ARAP1: variants seen among roughly 807,000 people sequenced by gnomAD.
ARAP1 encodes the protein ArfGAP with RhoGAP domain, ankyrin repeat and PH domain 1.
Under a neutral mutation model 172.2 loss-of-function variants are expected in ARAP1, and 76 were observed. The ratio of observed to expected loss-of-function variants is 0.44; its 90% CI spans 0.37 to 0.53. The LOEUF (loss-of-function observed/expected upper bound fraction) is 0.53. Among genes scored for constraint, ARAP1 ranks in the 20% least tolerant of loss-of-function variants. The pLI, the probability that ARAP1 is intolerant of heterozygous loss-of-function variation, is 0.00. For missense variants in ARAP1, 1,686 were observed against 1,977.5 expected, an observed-to-expected ratio of 0.85 and a Z score of 2.80; for synonymous variants, 804 against 803.3, an observed-to-expected ratio of 1.00 and a Z score of -0.01.
chr11:72,686,633 T>G (rs969824909), intron 33 of ARAP1, among the ~76,000 whole-genome samples: 2 of 152,164 alleles, frequency 1.3e-5, no homozygotes, highest in Admixed American at 6.5e-5. Context: ...CTTTAAAAAC[T>G]CTGTGTCTTA....
At chr11:72,745,188 T>TC (rs1565234323) in intron 1 of ARAP1, among the ~76,000 whole-genome samples, 1 of 135,910 alleles carries the variant, frequency 7.4e-6, no homozygotes, top group African/African-American at 2.8e-5. Flanking sequence ...CTTTCTTTTT[T>TC]TTTTTTTTTT....
intron 3 of ARAP1, among the ~76,000 whole-genome samples, chr11:72,718,631 T>C (rs992949053): frequency 6.6e-6 from 1 of 152,086 alleles, no homozygotes; most frequent in African/African-American, 2.4e-5. Flanking sequence ...AAGGGGCATG[T>C]GAACCCACCT....
rs1856983373 is a variant in ARAP1, at chr11:72,710,902, C to G, written c.1213+119G>C. 2 of 1,551,062 alleles carry G rather than the reference C, an allele frequency of 1.3e-6. No individual in the cohort carries two copies. The highest frequency in any genetic ancestry group is 3.6e-5 in the Admixed American group (2 of 55,460). ...TGCCCACCTCACAAAGGCAGCATGC[C>G]TCCCCGGATGTGATGTGAGAGGGCA... On this transcript the variant is annotated intron_variant, in intron 9 of 34. Coordinates refer to ENST00000393609, the MANE Select transcript of ARAP1 (RefSeq NM_001040118.3). This position sits in a 1 kb window ranked among gnomAD's most constrained non-coding sequence, Gnocchi z 4.3.
At chr11:72,686,836 G>A (rs1327561729) in intron 33 of ARAP1, among the ~76,000 whole-genome samples, 2 of 152,056 alleles carry the variant, frequency 1.3e-5, no homozygotes, top group Non-Finnish European at 2.9e-5. Flanking sequence ...ACCACACTCT[G>A]CCTAAATGCC....
chr11:72,688,006 TG>T (rs1855765118), intron 31 of ARAP1, among the ~76,000 whole-genome samples: 1 of 65,508 alleles, frequency 1.5e-5, no homozygotes, highest in African/African-American at 4.6e-5. Context: ...TTTTTGTTGT[TG>T]TTTTTTTTTT....
chr11:72,690,462 T>A (rs1445930245), intron 30 of ARAP1, among the ~76,000 whole-genome samples: 1 of 152,160 alleles, frequency 6.6e-6, no homozygotes. Context: ...CAATCTCAGC[T>A]CACTGCAACC....
rs776359399 is a variant in ARAP1, at chr11:72,687,507, AG to A, written c.4122-6del. On this transcript the variant is annotated splice_polypyrimidine_tract_variant and splice_region_variant and intron_variant, in intron 32 of 34. Transcript: ENST00000393609. ...TGTGTGTCACAGCAGAGGTACCTGCAGGGTTGGACGCGGACCCACATGATGC... is the reference window on the plus strand; with the variant it reads ...TGTGTGTCACAGCAGAGGTACCTGCAGGTTGGACGCGGACCCACATGATGC... 7.4e-6 allele frequency: 12 copies of A among 1,614,064 alleles called. No individual in the cohort carries two copies. The highest frequency in any genetic ancestry group is 1.0e-5 in the Non-Finnish European group (12 of 1,180,040).
At chr11:72,730,651 G>A (rs1409596449) in intron 2 of ARAP1, among the ~76,000 whole-genome samples, 2 of 151,428 alleles carry the variant, frequency 1.3e-5, no homozygotes, top group Non-Finnish European at 1.5e-5. Context: ...AGTGAGCCGA[G>A]ATCACACCAT....
chr11:72,752,036 G>A (rs1858545942), intron 1 of ARAP1, among the ~76,000 whole-genome samples: 1 of 152,212 alleles, frequency 6.6e-6, no homozygotes, highest in Non-Finnish European at 1.5e-5. Flanking sequence ...TTCACAGATG[G>A]GAACCCCAAG....
intron 2 of ARAP1, among the ~76,000 whole-genome samples, chr11:72,729,420 T>C (rs964096433): frequency 6.6e-6 from 1 of 151,920 alleles, no homozygotes; most frequent in African/African-American, 2.4e-5. Context: ...GGCAAACCCT[T>C]GTCTCTACTA....
chr11:72,740,860 C>G (rs1173983482), intron 1 of ARAP1, among the ~76,000 whole-genome samples: 1 of 152,176 alleles, frequency 6.6e-6, no homozygotes, highest in Non-Finnish European at 1.5e-5. Context: ...AGACCCCACC[C>G]TGGCCCTGAC....
chr11:72,713,210 C>T lies in ARAP1; in HGVS notation c.713G>A (p.Gly238Glu). ...DSDYDEVPEEGPGAPARVMTK... is the reference protein window; with the variant it reads ...DSDYDEVPEEEPGAPARVMTK... ...CATCACTCTGGCTGGGGCCCCCGGC[C>T]CCTCCTCTGGGACCTCATCGTAGTC... The change falls in exon 5 of 35, where the codon GGG (glycine) becomes GAG (glutamate). Residue 238 changes from glycine to glutamate, a missense_variant. Physicochemically the swap from Gly to Glu is moderately conservative, Grantham distance 98. Around this residue, in one of 5 missense-constraint regions of ARAP1, gnomAD observed 155 missense variants for 129.2 expected, o/e 1.20. Transcript: ENST00000393609. 6.2e-7 allele frequency: 1 copy of T among 1,614,058 alleles called. No homozygotes were observed. The highest frequency in any genetic ancestry group is 8.5e-7 in the Non-Finnish European group (1 of 1,179,952).
chr11:72,716,440 G>C (rs1857277089), intron 3 of ARAP1, among the ~76,000 whole-genome samples: 1 of 152,260 alleles, frequency 6.6e-6, no homozygotes, highest in Admixed American at 6.5e-5. Context: ...GCAAACGGTG[G>C]CGTGTCAGCC....
At position 72,726,737 on chromosome 11, in the gene ARAP1, G is replaced by T; in HGVS notation, c.392C>A (p.Thr131Asn). The T allele has an allele frequency of 1.9e-6, 3 of 1,548,780 alleles. No individual in the cohort carries two copies. Among genetic ancestry groups the T allele is most frequent in the Non-Finnish European group, 2.6e-6 (3 of 1,146,268 alleles). ...RSCLPPTCFTTPSTAAPDPVL... is the reference protein window; with the variant it reads ...RSCLPPTCFTNPSTAAPDPVL... ...AGGGTCTGGGGCAGCTGTGGATGGGGTGGTGAAGCAGGTGGGCGGAAGGCA... is the reference window on the plus strand; with the variant it reads ...AGGGTCTGGGGCAGCTGTGGATGGGTTGGTGAAGCAGGTGGGCGGAAGGCA... The change falls in exon 3 of 35, where the codon ACC (threonine) becomes AAC (asparagine). Residue 131 changes from threonine to asparagine, a missense_variant. Physicochemically the swap from Thr to Asn is moderately conservative, Grantham distance 65. Transcript: ENST00000393609. This position sits in a 1 kb window ranked among gnomAD's most constrained non-coding sequence, Gnocchi z 6.5.
In ARAP1 at chr11:72,702,867, G is replaced by T. The variant is rs1591190010; in HGVS notation, c.2167+38C>A. Reference sequence around the variant, plus strand: ...GGTAAATCAAACCCCACCAGGCACTGCACAGCCTGGTGGACCCCCACCCTC... The same window carrying T: ...GGTAAATCAAACCCCACCAGGCACTTCACAGCCTGGTGGACCCCCACCCTC... On this transcript the variant is annotated intron_variant, in intron 15 of 34. Transcript: ENST00000393609. 3.9e-6 allele frequency: 6 copies of T among 1,548,692 alleles called. No individual in the cohort carries two copies. The East Asian group carries it at 1.5e-4, about 38-fold the overall frequency.
intron 15 of ARAP1, among the ~76,000 whole-genome samples, chr11:72,702,213 C>T (rs1330054785): frequency 1.3e-5 from 2 of 152,192 alleles, no homozygotes; most frequent in Non-Finnish European, 2.9e-5. Flanking sequence ...CGTGGGGGGG[C>T]GGTGATCTGT....
At chr11:72,739,176 C>T (rs531368612) in intron 1 of ARAP1, among the ~76,000 whole-genome samples, 14 of 152,268 alleles carry the variant, frequency 9.2e-5, no homozygotes, top group Middle Eastern at 3.4e-3. Flanking sequence ...GGCAGCTGAC[C>T]GATCTCTGGG....
intron 29 of ARAP1, 25 bp from the exon 30 acceptor site, chr11:72,692,810 T>C (rs747752520): frequency 8.7e-6 from 14 of 1,612,836 alleles, no homozygotes; most frequent in African/African-American, 2.7e-5. Context: ...ATCAGGGTTA[T>C]GGAAGAAGTC....
In ARAP1 at chr11:72,725,295, CCTCT is replaced by C. The variant is rs10570876; in HGVS notation, c.509+1321_509+1324del. Reference sequence around the variant, plus strand: ...TTCTCTATCCTCTTCTCTCTTCTAACCTCTCTCTCTCTCTCTCTCTCTCTTTTTC... The same window carrying C: ...TTCTCTATCCTCTTCTCTCTTCTAACCTCTCTCTCTCTCTCTCTCTTTTTC... On this transcript the variant is annotated intron_variant, in intron 3 of 34. Transcript: ENST00000393609. The surrounding 1 kb of genome is among the most constrained non-coding windows in gnomAD (Gnocchi z 4.3). Among the ~76,000 whole-genome samples the C allele has an allele frequency of 2.6e-3, 390 of 147,950 alleles. 1 individual carries two copies. Among genetic ancestry groups the C allele is most frequent in the African/African-American group, 7.2e-3 (289 of 40,124 alleles).
Sources: allele counts gnomAD v4.1 joint callset (sites outside exome capture counted in the v4.1 genomes callset), GRCh38; gene constraint gnomAD v4.1.1; regional missense constraint gnomAD v4.1.1; non-coding constraint Gnocchi (gnomAD v3.1); transcripts MANE v1.5; gene names NCBI Gene and HGNC (gene_info 2026-07-23, HGNC 2026-07-21).